Variants in VIL1 observed in about 807,000 individuals in gnomAD.
VIL1 encodes villin-1.
In VIL1, 86 loss-of-function variants were observed where a neutral mutation model predicts 104.0. The observed-to-expected ratio is 0.83, with a 90% CI of 0.69 to 0.99. The LOEUF is 0.99. VIL1 is among the 50% of genes least tolerant of loss of function. The pLI is 0.00. For missense variants in VIL1, 944 were observed against 1,054.1 expected (o/e 0.90, Z 1.45); for synonymous variants, 394 against 412.6 (o/e 0.95, Z 0.55).
At position 218,440,619 on chromosome 2, in the gene VIL1, A is replaced by T. The variant is rs1445534828; in HGVS notation, c.2230-103A>T. 6 of 1,422,406 alleles carry T rather than the reference A, an allele frequency of 4.2e-6. No homozygotes were observed. The South Asian group carries it at 7.6e-5, about 18-fold the overall frequency. 88.1% of individuals were successfully genotyped at this position (1,422,406 alleles called of 1,614,324 possible). ...GTGGCAGGGTGGGGTGGGACATGGG[A>T]GGCTTCTTGAAGGTGGTGCCCTAGA... On this transcript the variant is annotated intron_variant, in intron 18 of 19. Coordinates refer to ENST00000248444, the MANE Select transcript of VIL1 (RefSeq NM_007127.3).
intron 19 of VIL1, 94 bp downstream of exon 19, chr2:218,440,956 G>A: frequency 6.7e-7 from 1 of 1,487,474 alleles, no homozygotes; most frequent in Non-Finnish European, 9.1e-7. Context: ...CTAGGTGCTG[G>A]GGATGAACAA....
chr2:218,425,076 T>C (rs1402357725), intron 3 of VIL1, among the ~76,000 whole-genome samples: 1 of 151,976 alleles, frequency 6.6e-6, no homozygotes, highest in Admixed American at 6.6e-5. Flanking sequence ...TTTTATTTTA[T>C]GTATTTATTA....
chr2:218,421,212 G>C (rs1489312260), intron 1 of VIL1, among the ~76,000 whole-genome samples: 1 of 152,122 alleles, frequency 6.6e-6, no homozygotes, highest in African/African-American at 2.4e-5. Context: ...GCCGCCAGCA[G>C]TGTGGCATTT....
chr2:218,449,174 G>A (rs746217812), intron 19 of VIL1, 49 bp from the exon 20 acceptor site: 72 of 1,387,828 alleles, frequency 5.2e-5, no homozygotes, highest in Admixed American at 1.8e-4. Context: ...GGGTGAGGGA[G>A]GAAGGAAGGA....
Position 218,429,466 on chromosome 2 carries a change from A to G in VIL1, c.749A>G (p.Lys250Arg), listed in dbSNP as rs141545095. 3.1e-6 allele frequency: 5 copies of G among 1,613,982 alleles called. No individual in the cohort carries two copies. The African/African-American group carries it at 5.3e-5, about 17-fold the overall frequency. The change falls in exon 7 of 20, where the codon AAG (lysine) becomes AGG (arginine). Residue 250 changes from lysine to arginine, a missense_variant. Coordinates refer to ENST00000248444, the MANE Select transcript of VIL1 (RefSeq NM_007127.3). ...GACACGGTGGTGGAGCCGGCACTCA[A>G]GGCTGCACTCAAACTGTACCAGTGA... ...VPDTVVEPALKAALKLYHVSD... is the reference protein window; with the variant it reads ...VPDTVVEPALRAALKLYHVSD...
At chr2:218,434,461 C>T in intron 13 of VIL1, 65 bp from the exon 14 acceptor site, 2 of 1,511,790 alleles carry the variant, frequency 1.3e-6, no homozygotes, top group Non-Finnish European at 1.8e-6. Flanking sequence ...CCCCTCTGTT[C>T]CCCATCATCT....
intron 16 of VIL1, 123 bp from the exon 17 acceptor site, chr2:218,437,001 C>A: frequency 8.4e-7 from 1 of 1,184,562 alleles, no homozygotes; most frequent in Non-Finnish European, 1.2e-6. Flanking sequence ...TGCCCTAGGT[C>A]ATTTGGCTGG....
At chr2:218,444,852 A>G (rs1162850451) in intron 19 of VIL1, among the ~76,000 whole-genome samples, 3 of 152,206 alleles carry the variant, frequency 2.0e-5, no homozygotes, top group Non-Finnish European at 4.4e-5. Flanking sequence ...AGAGTTCAAG[A>G]ACAGGACCAA....
chr2:218,437,072 G>A, intron 16 of VIL1, 52 bp from the exon 17 acceptor site: 9 of 1,586,308 alleles, frequency 5.7e-6, no homozygotes, highest in Non-Finnish European at 7.8e-6. Flanking sequence ...GCAGAGCCCT[G>A]TGGGCCAGGG....
chr2:218,432,716 G>A (rs1194729762), intron 12 of VIL1, 77 bp from the exon 13 acceptor site: 2 of 1,577,250 alleles, frequency 1.3e-6, no homozygotes, highest in Non-Finnish European at 1.7e-6. Flanking sequence ...TGAGGATGGA[G>A]TTGTTGCTGA....
At chr2:218,434,472 T>G (rs1689152647) in intron 13 of VIL1, 54 bp from the exon 14 acceptor site, 2 of 1,550,294 alleles carry the variant, frequency 1.3e-6, no homozygotes. Flanking sequence ...CCCATCATCT[T>G]CTTTACTAAG....
At chr2:218,449,165 G>A (rs1689422336) in intron 19 of VIL1, 58 bp from the exon 20 acceptor site, 2 of 1,281,294 alleles carry the variant, frequency 1.6e-6, no homozygotes, top group Non-Finnish European at 2.3e-6. Flanking sequence ...GGTGCCTGAG[G>A]GTGAGGGAGG....
rs1197540269 is a variant in VIL1 at position 218,432,944 on chromosome 2, TCTACC to T, written c.1494_1498del (p.Tyr499GlyfsTer7). On this transcript the variant is annotated frameshift_variant and splice_region_variant, in exon 13 of 20. Transcript: ENST00000248444. LOFTEE classifies it high-confidence loss of function. ...TCCATCTTCAAGGGACGCATGGTGG[TCTACC>T]AGGTGTGGCTGCTGAACTGAGGTGT... 1.9e-6 allele frequency: 3 copies of T among 1,614,136 alleles called. No homozygotes were observed. The highest frequency in any genetic ancestry group is 1.7e-5 in the Admixed American group (1 of 60,004).
At position 218,425,494 on chromosome 2, in the gene VIL1, T is replaced by A. The variant is rs975265794; in HGVS notation, c.151-121T>A. 3.2e-6 allele frequency: 3 copies of A among 946,978 alleles called. No individual in the cohort carries two copies. In the African/African-American group the frequency reaches 4.9e-5, roughly 16 times the overall value. The allele number at this position is 946,978 out of a possible 1,614,324, so 58.7% of individuals were successfully genotyped here. ...TCAGGGCTCCTAACCGCCAGCCTAG[T>A]GCACTTGCCCTGTGCCACGCTCCCC... On this transcript the variant is annotated intron_variant, in intron 3 of 19. Coordinates refer to ENST00000248444, the MANE Select transcript of VIL1 (RefSeq NM_007127.3).
chr2:218,433,808 G>A (rs929504083), intron 13 of VIL1, among the ~76,000 whole-genome samples: 3 of 152,092 alleles, frequency 2.0e-5, no homozygotes, highest in African/African-American at 7.2e-5. Flanking sequence ...TGGGGAGGCT[G>A]GGGCAGGAGA....
At chr2:218,448,247 A>G (rs1440113703) in intron 19 of VIL1, among the ~76,000 whole-genome samples, 1 of 151,938 alleles carries the variant, frequency 6.6e-6, no homozygotes, top group Non-Finnish European at 1.5e-5. Context: ...GTGACAGAGC[A>G]AGACCGTTTC....
chr2:218,446,168 G>C (rs941481965), intron 19 of VIL1, among the ~76,000 whole-genome samples: 2 of 152,264 alleles, frequency 1.3e-5, no homozygotes, highest in African/African-American at 2.4e-5. Flanking sequence ...AGCAAAACCT[G>C]CTCCTACAAA....
intron 9 of VIL1, 96 bp downstream of exon 9, chr2:218,430,043 A>T: frequency 8.9e-7 from 1 of 1,124,750 alleles, no homozygotes; most frequent in South Asian, 1.4e-5. Context: ...GGCTCAGACC[A>T]GGGCATAGTG....
At chr2:218,437,028 G>C (rs1299437059) in intron 16 of VIL1, 96 bp from the exon 17 acceptor site, 1 of 1,445,866 alleles carries the variant, frequency 6.9e-7, no homozygotes, top group Non-Finnish European at 9.5e-7. Context: ...TAGAGTCAGG[G>C]TCAAGGTCAG....
Sources: allele counts gnomAD v4.1 joint callset (sites outside exome capture counted in the v4.1 genomes callset), GRCh38; gene constraint gnomAD v4.1.1; transcripts MANE v1.5; gene names NCBI Gene and HGNC (gene_info 2026-07-23, HGNC 2026-07-21).